LARGE1: variants seen among roughly 807,000 people sequenced by gnomAD.
LARGE1 encodes the protein LARGE xylosyl- and glucuronyltransferase 1.
A neutral mutation model predicts 87.6 loss-of-function variants in LARGE1; 43 were observed. The ratio of observed to expected loss-of-function variants is 0.49; its 90% CI spans 0.38 to 0.63. The LOEUF (loss-of-function observed/expected upper bound fraction) is 0.63. LARGE1 is among the 30% of genes least tolerant of loss of function. The pLI is 0.00. For synonymous variants in LARGE1, 434 were observed against 394.6 expected (o/e 1.10, Z -1.18); for missense variants, 802 against 1,000.2 (o/e 0.80, Z 2.67).
the LARGE1 span, among the ~76,000 whole-genome samples, chr22:33,128,641 T>G: frequency 5.8e-5 from 8 of 137,726 alleles, no homozygotes; most frequent in East Asian, 1.7e-3. Context: ...GCCATTGCAC[T>G]CCAGCCTGGG....
intron 5 of LARGE1, among the ~76,000 whole-genome samples, chr22:33,597,714 A>G (rs2079015841): frequency 6.6e-6 from 1 of 152,164 alleles, no homozygotes; most frequent in African/African-American, 2.4e-5. Context: ...CAGGTGAATC[A>G]TGAAACAGCC....
At chr22:33,450,002 C>T (rs1051930143) in intron 6 of LARGE1, among the ~76,000 whole-genome samples, 4 of 152,020 alleles carry the variant, frequency 2.6e-5, no homozygotes, top group African/African-American at 9.7e-5. Flanking sequence ...ACCTCCGCCT[C>T]TTGGGTTCAA....
chr22:33,878,226 C>T (rs2064545263), intron 1 of LARGE1, among the ~76,000 whole-genome samples: 1 of 119,086 alleles, frequency 8.4e-6, no homozygotes, highest in Non-Finnish European at 1.7e-5. Flanking sequence ...CAACCTCCAC[C>T]TTCTGGTTTC....
chr22:33,188,132 A>G (rs1231338551), intron 11 of LARGE1, among the ~76,000 whole-genome samples: 6 of 151,824 alleles, frequency 4.0e-5, no homozygotes, highest in Admixed American at 2.0e-4. Flanking sequence ...ATTTTTTCCA[A>G]AAAAGAAAAT....
At chr22:33,365,267 T>C (rs2064544865) in intron 9 of LARGE1, among the ~76,000 whole-genome samples, 1 of 152,128 alleles carries the variant, frequency 6.6e-6, no homozygotes, top group Admixed American at 6.5e-5. Context: ...GATTGTAAGG[T>C]ATATTCCACT....
At chr22:33,666,072 T>C (rs1455961812) in intron 2 of LARGE1, among the ~76,000 whole-genome samples, 1 of 152,204 alleles carries the variant, frequency 6.6e-6, no homozygotes, top group Admixed American at 6.5e-5. Flanking sequence ...AAATAAAGGT[T>C]GTACTTCTAT....
chr22:33,745,903 C>G (rs2084064128), intron 2 of LARGE1, among the ~76,000 whole-genome samples: 1 of 152,116 alleles, frequency 6.6e-6, no homozygotes, highest in Non-Finnish European at 1.5e-5. Flanking sequence ...CTGTGGAGAA[C>G]TAACCAGGAG....
At chr22:33,763,011 C>T (rs1312484222) in intron 1 of LARGE1, among the ~76,000 whole-genome samples, 1 of 152,208 alleles carries the variant, frequency 6.6e-6, no homozygotes, top group Non-Finnish European at 1.5e-5. Context: ...CCAAATGCAT[C>T]CTTCCCTCTT....
intron 6 of LARGE1, among the ~76,000 whole-genome samples, chr22:33,547,731 T>A (rs2148675528): frequency 7.6e-6 from 1 of 131,824 alleles, no homozygotes; most frequent in East Asian, 2.2e-4. Flanking sequence ...GAGGTGGAGG[T>A]TGCAGTCAGC....
intron 6 of LARGE1, among the ~76,000 whole-genome samples, chr22:33,480,623 A>T (rs1378685069): frequency 6.6e-6 from 1 of 152,176 alleles, no homozygotes; most frequent in African/African-American, 2.4e-5. Context: ...GTTTCCAATA[A>T]CTTTGGATGC....
At chr22:33,068,183 GTTGTGATTT>G in the LARGE1 span, among the ~76,000 whole-genome samples, 17 of 152,276 alleles carry the variant, frequency 1.1e-4, no homozygotes, top group Admixed American at 6.5e-4. Context: ...CACACCTGTG[GTTGTGATTT>G]TTGTGATTGG....
At chr22:33,091,510 A>G in the LARGE1 span, among the ~76,000 whole-genome samples, 3 of 152,066 alleles carry the variant, frequency 2.0e-5, no homozygotes, top group Non-Finnish European at 4.4e-5. Flanking sequence ...CAGTGAGCTG[A>G]GATCGCGCCA....
At chr22:33,719,223 G>C (rs574871196) in intron 2 of LARGE1, among the ~76,000 whole-genome samples, 2 of 151,976 alleles carry the variant, frequency 1.3e-5, no homozygotes, top group African/African-American at 2.4e-5. Flanking sequence ...TGAGTGTTAC[G>C]ACAAGAGTCA....
chr22:33,444,474 C>A (rs1007327531), intron 6 of LARGE1, among the ~76,000 whole-genome samples: 1 of 152,042 alleles, frequency 6.6e-6, no homozygotes, highest in Non-Finnish European at 1.5e-5. Context: ...TCACTCAGAA[C>A]AGCTACTGAT....
At chr22:33,680,875 T>C (rs187860031) in intron 2 of LARGE1, among the ~76,000 whole-genome samples, 135 of 152,014 alleles carry the variant, frequency 8.9e-4, no homozygotes, top group African/African-American at 2.9e-3. Context: ...AGAAGTGAAA[T>C]TGAAGTGCTC....
chr22:33,283,957 G>T lies in LARGE1; in HGVS notation c.1731-609C>A, dbSNP rs553018371. ...AAGAAAGAAAAGGAAAAGAAAAGAA[G>T]AAAGATGGGGAGCCCTGGGAGGCAA... On this transcript the variant is annotated intron_variant, in intron 12 of 14. Transcript: ENST00000397394. Among the ~76,000 whole-genome samples, 4 of 152,240 alleles carry T rather than the reference G, an allele frequency of 2.6e-5. No individual in the cohort carries two copies. The South Asian group carries it at 8.3e-4, about 32-fold the overall frequency.
At chr22:33,375,862 C>T (rs1223664971) in intron 9 of LARGE1, among the ~76,000 whole-genome samples, 1 of 152,192 alleles carries the variant, frequency 6.6e-6, no homozygotes, top group Non-Finnish European at 1.5e-5. Flanking sequence ...GTTCTCCCAC[C>T]TCAACCTCCC....
chr22:33,156,466 G>C, the LARGE1 span, among the ~76,000 whole-genome samples: 1 of 152,194 alleles, frequency 6.6e-6, no homozygotes, highest in African/African-American at 2.4e-5. Flanking sequence ...TTTAAGGTTT[G>C]ACTGCTCCAC....
At chr22:33,146,435 A>G in the LARGE1 span, among the ~76,000 whole-genome samples, 1 of 152,186 alleles carries the variant, frequency 6.6e-6, no homozygotes, top group East Asian at 1.9e-4. Context: ...TGGCCATAAA[A>G]AGCACCATCC....
Sources: gnomAD v4.1 joint callset for allele counts (sites outside exome capture counted in the v4.1 genomes callset) on GRCh38, gnomAD v4.1.1 for gene constraint, MANE v1.5 for transcripts, NCBI Gene and HGNC (gene_info 2026-07-23, HGNC 2026-07-21) for gene names.